Variants in PTK2 observed in about 807,000 individuals in gnomAD.
PTK2 encodes focal adhesion kinase 1.
In PTK2, 45 loss-of-function variants were observed where a neutral mutation model predicts 150.1. The ratio of observed to expected loss-of-function variants is 0.30; its 90% CI spans 0.24 to 0.38. The LOEUF is 0.38. PTK2 is among the 10% of genes least tolerant of loss of function. PTK2 has a pLI of 1.00. For missense variants in PTK2, 919 were observed against 1,307.3 expected (o/e 0.70, Z 4.58); for synonymous variants, 432 against 449.2 (o/e 0.96, Z 0.48).
At chr8:140,817,068 G>C (rs2100105133) in intron 10 of PTK2, among the ~76,000 whole-genome samples, 1 of 152,136 alleles carries the variant, frequency 6.6e-6, no homozygotes. Context: ...AATCCCATCT[G>C]GCCCCCAGGG....
At chr8:140,733,846 C>A (rs970849147) in intron 22 of PTK2, among the ~76,000 whole-genome samples, 2 of 152,092 alleles carry the variant, frequency 1.3e-5, no homozygotes, top group African/African-American at 4.8e-5. Flanking sequence ...GGGACGGAGA[C>A]CAAGAGCGTG....
chr8:140,712,269 A>C (rs184423347), intron 23 of PTK2, among the ~76,000 whole-genome samples: 1 of 152,120 alleles, frequency 6.6e-6, no homozygotes, highest in East Asian at 1.9e-4. Context: ...ATCTACACTG[A>C]TGTAAATCTG....
intron 2 of PTK2, among the ~76,000 whole-genome samples, chr8:140,923,184 G>A (rs2100168177): frequency 6.6e-6 from 1 of 152,134 alleles, no homozygotes; most frequent in Non-Finnish European, 1.5e-5. Flanking sequence ...ATATGAAAGA[G>A]CATAAATTCT....
intron 2 of PTK2, among the ~76,000 whole-genome samples, chr8:140,911,319 C>T (rs1208471137): frequency 1.3e-5 from 2 of 152,006 alleles, no homozygotes; most frequent in East Asian, 3.9e-4. Context: ...AACTGTTAAC[C>T]ATATTGTCTG....
At chr8:140,852,221 C>T (rs2100129728) in intron 5 of PTK2, among the ~76,000 whole-genome samples, 1 of 152,192 alleles carries the variant, frequency 6.6e-6, no homozygotes, top group South Asian at 2.1e-4. Flanking sequence ...TTTGCTCTCA[C>T]TGAATGCACA....
chr8:140,937,675 G>T (rs1230193149), intron 1 of PTK2, among the ~76,000 whole-genome samples: 1 of 151,708 alleles, frequency 6.6e-6, no homozygotes, highest in Non-Finnish European at 1.5e-5. Flanking sequence ...TACATACAGG[G>T]TTTAATGTAA....
chr8:140,742,176 T>A (rs1451985175), intron 20 of PTK2, among the ~76,000 whole-genome samples: 1 of 152,090 alleles, frequency 6.6e-6, no homozygotes, highest in Non-Finnish European at 1.5e-5. Context: ...AACTAATAGA[T>A]CCAAGGTGCT....
intron 2 of PTK2, among the ~76,000 whole-genome samples, chr8:140,896,637 T>C (rs1421689232): frequency 2.6e-5 from 4 of 152,130 alleles, no homozygotes; most frequent in East Asian, 1.9e-4. Flanking sequence ...ACAAAGAGTA[T>C]CTACATGAAA....
chr8:140,835,570 G>A (rs1224470385), intron 7 of PTK2, among the ~76,000 whole-genome samples: 2 of 152,144 alleles, frequency 1.3e-5, no homozygotes, highest in Non-Finnish European at 2.9e-5. Context: ...AACAGAGATT[G>A]CTGTTTCTTA....
At chr8:140,825,892 T>C (rs967699238) in intron 8 of PTK2, among the ~76,000 whole-genome samples, 1 of 152,238 alleles carries the variant, frequency 6.6e-6, no homozygotes, top group African/African-American at 2.4e-5. Context: ...TTTTTAAATG[T>C]GTCTTTAAAA....
intron 14 of PTK2, among the ~76,000 whole-genome samples, chr8:140,775,264 C>A (rs1466105413): frequency 6.6e-6 from 1 of 152,124 alleles, no homozygotes; most frequent in African/African-American, 2.4e-5. Flanking sequence ...GTGGGCAGAT[C>A]ACCTGAGCTC....
At position 140,727,544 on chromosome 8, in the gene PTK2, C is replaced by T. The variant is rs555110104; in HGVS notation, c.2030+7707G>A. Among the ~76,000 whole-genome samples the T allele has an allele frequency of 8.6e-5, 13 of 151,158 alleles. No homozygotes were observed. The South Asian group carries it at 2.3e-3, about 27-fold the overall frequency. On this transcript the variant is annotated intron_variant, in intron 22 of 31. Coordinates refer to ENST00000522684, the Ensembl canonical transcript of PTK2. ...GACTAAGGAGGAATTTAGACACCACCTTTGAAAGGAATTTTGGAAGCAAAT... is the reference window on the plus strand; with the variant it reads ...GACTAAGGAGGAATTTAGACACCACTTTTGAAAGGAATTTTGGAAGCAAAT...
At chr8:140,679,153 T>C (rs2100015681) in intron 27 of PTK2, among the ~76,000 whole-genome samples, 1 of 151,202 alleles carries the variant, frequency 6.6e-6, no homozygotes, top group Admixed American at 6.6e-5. Context: ...GCCTCCCAAG[T>C]AGCTGGGATT....
intron 23 of PTK2, among the ~76,000 whole-genome samples, chr8:140,714,268 T>C (rs372795549): frequency 6.6e-6 from 1 of 152,134 alleles, no homozygotes; most frequent in Non-Finnish European, 1.5e-5. Flanking sequence ...TTTTCACTTA[T>C]AAAACTAATT....
intron 2 of PTK2, among the ~76,000 whole-genome samples, chr8:140,906,424 A>G (rs1344866740): frequency 6.6e-6 from 1 of 152,234 alleles, no homozygotes; most frequent in Non-Finnish European, 1.5e-5. Flanking sequence ...CACAACAGCC[A>G]AGATATGGAA....
At chr8:140,689,983 C>T (rs934667125) in intron 26 of PTK2, among the ~76,000 whole-genome samples, 24 of 152,150 alleles carry the variant, frequency 1.6e-4, no homozygotes, top group African/African-American at 5.3e-4. Context: ...GATGGAGTCT[C>T]CCTCTGTCTC....
At chr8:140,973,257 G>A (rs1002005689) in intron 1 of PTK2, among the ~76,000 whole-genome samples, 7 of 152,118 alleles carry the variant, frequency 4.6e-5, no homozygotes, top group East Asian at 1.9e-4. Context: ...TTGGAAGCTC[G>A]TCCGATAAAG....
At chr8:140,818,211 C>G (rs2100105883) in intron 10 of PTK2, 66 bp downstream of exon 10, 1 of 1,377,376 alleles carries the variant, frequency 7.3e-7, no homozygotes, top group Non-Finnish European at 1.0e-6. Context: ...AAAAGAATGC[C>G]CCATTTCCTT....
At chr8:140,986,257 G>T (rs185018278) in intron 1 of PTK2, among the ~76,000 whole-genome samples, 2 of 152,324 alleles carry the variant, frequency 1.3e-5, no homozygotes, top group Admixed American at 1.3e-4. Flanking sequence ...TTGGCCACAT[G>T]TGGCTAGCAG....
Sources: gnomAD v4.1 joint callset for allele counts (sites outside exome capture counted in the v4.1 genomes callset) on GRCh38, gnomAD v4.1.1 for gene constraint, MANE v1.5 for transcripts, NCBI Gene and HGNC (gene_info 2026-07-23, HGNC 2026-07-21) for gene names.